The following SGCZ variants were observed in gnomAD, a reference collection of about 807,000 sequenced individuals.
The protein encoded by SGCZ is sarcoglycan zeta.
A neutral mutation model predicts 41.3 loss-of-function variants in SGCZ; 40 were observed. The ratio of observed to expected loss-of-function variants is 0.97; its 90% CI spans 0.75 to 1.26. The LOEUF is 1.26. SGCZ is among the 50% of genes most tolerant of loss of function. The pLI is 0.00. For synonymous variants in SGCZ, 206 were observed against 137.5 expected, an observed-to-expected ratio of 1.50 and a Z score of -3.49; for missense variants, 552 against 369.8, an observed-to-expected ratio of 1.49 and a Z score of -4.04.
chr8:14,817,764 C>A (rs1389217280), intron 1 of SGCZ, among the ~76,000 whole-genome samples: 1 of 152,162 alleles, frequency 6.6e-6, no homozygotes, highest in Non-Finnish European at 1.5e-5. Flanking sequence ...CATGTGCGCT[C>A]ATTGTTGTGC....
chr8:14,493,661 T>C (rs1245672788), intron 2 of SGCZ, among the ~76,000 whole-genome samples: 2 of 151,890 alleles, frequency 1.3e-5, no homozygotes, highest in African/African-American at 2.4e-5. Flanking sequence ...TCACCGTTCC[T>C]GGCCCTACTA....
At chr8:14,728,072 A>C (rs1352207432) in intron 1 of SGCZ, among the ~76,000 whole-genome samples, 1 of 152,168 alleles carries the variant, frequency 6.6e-6, no homozygotes. Flanking sequence ...GATAAAAATC[A>C]GAAAGTTGTT....
chr8:14,843,596 A>G (rs1405910028), intron 1 of SGCZ, among the ~76,000 whole-genome samples: 5 of 152,228 alleles, frequency 3.3e-5, no homozygotes, highest in African/African-American at 1.2e-4. Context: ...AAAATATATT[A>G]CATGTGCAAG....
chr8:15,068,545 A>G (rs951436652), intron 1 of SGCZ, among the ~76,000 whole-genome samples: 1 of 152,194 alleles, frequency 6.6e-6, no homozygotes, highest in Non-Finnish European at 1.5e-5. Flanking sequence ...CAGAAGTTCA[A>G]TAAGTTGCCA....
intron 4 of SGCZ, among the ~76,000 whole-genome samples, chr8:14,230,535 C>A (rs1806525679): frequency 6.6e-6 from 1 of 151,988 alleles, no homozygotes; most frequent in Non-Finnish European, 1.5e-5. Flanking sequence ...TTAGCAGTCT[C>A]CAAAATCCAT....
intron 2 of SGCZ, among the ~76,000 whole-genome samples, chr8:14,493,728 C>T (rs1415703398): frequency 2.0e-5 from 3 of 151,964 alleles, no homozygotes; most frequent in African/African-American, 7.2e-5. Flanking sequence ...TCAGTCTTTC[C>T]CACCAAGGGA....
intron 4 of SGCZ, among the ~76,000 whole-genome samples, chr8:14,180,890 G>C (rs946249312): frequency 4.6e-5 from 7 of 151,746 alleles, no homozygotes; most frequent in Non-Finnish European, 8.8e-5. Context: ...TTACGGCAGT[G>C]GGGAGTGCCA....
At chr8:14,183,655 G>A (rs1051319456) in intron 4 of SGCZ, among the ~76,000 whole-genome samples, 1 of 152,142 alleles carries the variant, frequency 6.6e-6, no homozygotes, top group African/African-American at 2.4e-5. Flanking sequence ...CACCACCCAT[G>A]AGAAAAGCGT....
intron 1 of SGCZ, among the ~76,000 whole-genome samples, chr8:14,885,427 C>T (rs1278122174): frequency 1.3e-5 from 2 of 152,092 alleles, no homozygotes; most frequent in East Asian, 1.9e-4. Context: ...TACATCAATA[C>T]ATGCTGCTAT....
intron 1 of SGCZ, among the ~76,000 whole-genome samples, chr8:14,787,198 G>A (rs1018142387): frequency 6.6e-6 from 1 of 152,124 alleles, no homozygotes; most frequent in South Asian, 2.1e-4. Flanking sequence ...TGCAGGGGCT[G>A]TTACAACAAA....
chr8:14,139,903 T>A (rs911738302), intron 5 of SGCZ, among the ~76,000 whole-genome samples: 14 of 152,198 alleles, frequency 9.2e-5, no homozygotes, highest in African/African-American at 3.4e-4. Flanking sequence ...TTTAGATCAA[T>A]ATCCCTGATA....
At chr8:15,220,307 C>T (rs967225640) in intron 1 of SGCZ, among the ~76,000 whole-genome samples, 1 of 152,134 alleles carries the variant, frequency 6.6e-6, no homozygotes. Context: ...TTCCTGCTAT[C>T]TAGTCTTATT....
chr8:14,688,542 C>G (rs1443432325), intron 1 of SGCZ, among the ~76,000 whole-genome samples: 3 of 152,080 alleles, frequency 2.0e-5, no homozygotes, highest in Non-Finnish European at 4.4e-5. Flanking sequence ...CTGTTCTGTT[C>G]CACTGATCTA....
intron 1 of SGCZ, among the ~76,000 whole-genome samples, chr8:14,704,543 C>G (rs1250730020): frequency 1.3e-5 from 2 of 151,892 alleles, no homozygotes; most frequent in East Asian, 1.9e-4. Flanking sequence ...GAATCATGTA[C>G]TTTGAAGTCA....
intron 2 of SGCZ, among the ~76,000 whole-genome samples, chr8:14,345,251 G>C (rs1015120530): frequency 6.6e-5 from 10 of 152,080 alleles, no homozygotes; most frequent in Admixed American, 3.9e-4. Context: ...ATTAGAGTCA[G>C]AAATCTTAAA....
At chr8:15,229,329 C>T (rs965345560) in intron 1 of SGCZ, among the ~76,000 whole-genome samples, 1 of 152,070 alleles carries the variant, frequency 6.6e-6, no homozygotes. Flanking sequence ...ACATTTATTA[C>T]CACTAATTCT....
At chr8:14,998,627 T>C (rs1342611260) in intron 1 of SGCZ, among the ~76,000 whole-genome samples, 3 of 152,202 alleles carry the variant, frequency 2.0e-5, no homozygotes, top group Non-Finnish European at 2.9e-5. Flanking sequence ...CAAGTTTCAA[T>C]AGCAAAAGCA....
chr8:14,297,755 A>G (rs1801061890), intron 3 of SGCZ, among the ~76,000 whole-genome samples: 1 of 152,134 alleles, frequency 6.6e-6, no homozygotes, highest in Admixed American at 6.5e-5. Flanking sequence ...ATATCTGGGA[A>G]GAAAGCTCAG....
At chr8:14,470,654 T>A (rs892727875) in intron 2 of SGCZ, among the ~76,000 whole-genome samples, 6 of 152,290 alleles carry the variant, frequency 3.9e-5, no homozygotes, top group Admixed American at 2.6e-4. Context: ...AGACTAACTA[T>A]ATGACGGTTG....
Sources: allele counts gnomAD v4.1 joint callset (sites outside exome capture counted in the v4.1 genomes callset), GRCh38; gene constraint gnomAD v4.1.1; transcripts MANE v1.5; gene names NCBI Gene and HGNC (gene_info 2026-07-23, HGNC 2026-07-21).